The following OPCML variants were observed in gnomAD, a reference collection of about 807,000 sequenced individuals.
OPCML encodes the protein opioid-binding protein/cell adhesion molecule.
OPCML carries 13 observed loss-of-function variants against 37.8 expected under a neutral mutation model. That is an observed-to-expected ratio of 0.34 (90% CI 0.22 to 0.55). The LOEUF (loss-of-function observed/expected upper bound fraction) is 0.55. Among genes scored for constraint, OPCML ranks in the 20% least tolerant of loss-of-function variants. The pLI is 0.91. For missense variants in OPCML, 341 were observed against 435.6 expected, an observed-to-expected ratio of 0.78 and a Z score of 1.93; for synonymous variants, 176 against 168.8, an observed-to-expected ratio of 1.04 and a Z score of -0.33.
rs148236910 is a variant in OPCML, at chr11:133,069,992, A to G, written c.62-126982T>C. On this transcript the variant is annotated intron_variant, in intron 1 of 7. Transcript: ENST00000524381. ...TCCCTGCTAAATTCCACTTCTAACA[A>G]GTAGTGGGGGCTGTCTAGTTGGTGT... Among the ~76,000 whole-genome samples, 445 of 152,274 alleles carry G rather than the reference A, an allele frequency of 2.9e-3. 1 individual carries two copies. The highest frequency in any genetic ancestry group is 6.8e-3 in the Middle Eastern group (2 of 294).
intron 1 of OPCML, among the ~76,000 whole-genome samples, chr11:133,151,578 A>C (rs914935623): frequency 3.9e-5 from 6 of 152,204 alleles, no homozygotes; most frequent in African/African-American, 1.4e-4. Context: ...TTGGATGAGG[A>C]AAGTGCAGTT....
chr11:133,332,592 C>T (rs1943646433), intron 1 of OPCML, among the ~76,000 whole-genome samples: 2 of 152,000 alleles, frequency 1.3e-5, no homozygotes, highest in African/African-American at 4.8e-5. Flanking sequence ...TCATAGATGG[C>T]TCTTATTATT....
intron 1 of OPCML, among the ~76,000 whole-genome samples, chr11:133,500,976 C>T (rs372284233): frequency 1.7e-4 from 25 of 149,460 alleles, no homozygotes; most frequent in African/African-American, 4.5e-4. Context: ...CAGATGGGGG[C>T]GTGGGGCAGG....
At chr11:133,227,245 G>A (rs1940079724) in intron 1 of OPCML, among the ~76,000 whole-genome samples, 1 of 152,108 alleles carries the variant, frequency 6.6e-6, no homozygotes, top group Non-Finnish European at 1.5e-5. Flanking sequence ...CCCTGCACCG[G>A]CTCCTCACGG....
intron 1 of OPCML, among the ~76,000 whole-genome samples, chr11:133,256,834 C>T (rs1941326649): frequency 6.6e-6 from 1 of 152,184 alleles, no homozygotes; most frequent in Middle Eastern, 3.2e-3. Flanking sequence ...TATTATCATG[C>T]ATTGCTTTAA....
chr11:132,808,508 G>C (rs983718960), intron 2 of OPCML, among the ~76,000 whole-genome samples: 2 of 152,214 alleles, frequency 1.3e-5, no homozygotes, highest in African/African-American at 4.8e-5. Context: ...CGCAGTGAAG[G>C]CTGGAGGCTT....
chr11:132,818,525 C>A (rs1267457592), intron 2 of OPCML, among the ~76,000 whole-genome samples: 2 of 151,768 alleles, frequency 1.3e-5, no homozygotes, highest in African/African-American at 2.4e-5. Flanking sequence ...GCCCACCCTG[C>A]AGACTTGGAC....
intron 2 of OPCML, among the ~76,000 whole-genome samples, chr11:132,898,441 A>C (rs1943928973): frequency 1.3e-5 from 2 of 152,204 alleles, no homozygotes; most frequent in African/African-American, 4.8e-5. Flanking sequence ...GAAGTACAGC[A>C]CTGGGCCCAA....
At chr11:133,036,539 A>G (rs1947787231) in intron 1 of OPCML, among the ~76,000 whole-genome samples, 1 of 152,224 alleles carries the variant, frequency 6.6e-6, no homozygotes, top group Non-Finnish European at 1.5e-5. Flanking sequence ...ATCAAACACC[A>G]TGCCAAGCAC....
intron 1 of OPCML, among the ~76,000 whole-genome samples, chr11:133,375,186 G>A (rs112925660): frequency 0.026 from 3,901 of 152,218 alleles, 94 homozygotes; most frequent in African/African-American, 0.07. Context: ...TTCTCATGAC[G>A]TGCTAGATGT....
At chr11:132,642,953 G>GA (rs1358527649) in intron 3 of OPCML, among the ~76,000 whole-genome samples, 3 of 152,100 alleles carry the variant, frequency 2.0e-5, no homozygotes. Flanking sequence ...AGAGCACTTG[G>GA]AAAATGCAAG....
At chr11:133,035,812 T>C (rs951939175) in intron 1 of OPCML, among the ~76,000 whole-genome samples, 4 of 152,160 alleles carry the variant, frequency 2.6e-5, no homozygotes, top group Non-Finnish European at 5.9e-5. Context: ...TAAATGAGTA[T>C]GCCCATTCTA....
intron 1 of OPCML, among the ~76,000 whole-genome samples, chr11:133,076,283 T>G (rs1179530253): frequency 1.3e-5 from 2 of 152,202 alleles, no homozygotes; most frequent in Non-Finnish European, 2.9e-5. Flanking sequence ...CTAAATAGTT[T>G]GTCCCCCTTC....
At chr11:132,533,435 T>C (rs1293393896) in intron 3 of OPCML, among the ~76,000 whole-genome samples, 1 of 152,084 alleles carries the variant, frequency 6.6e-6, no homozygotes, top group African/African-American at 2.4e-5. Flanking sequence ...AAGAGATAGA[T>C]GATAGATAGA....
At chr11:133,005,811 T>C (rs1947099558) in intron 1 of OPCML, 1 of 985,386 alleles carries the variant, frequency 1.0e-6, no homozygotes, top group Non-Finnish European at 1.2e-6. Context: ...GGCATTTCCC[T>C]GGCCCTGGGG....
chr11:133,499,820 AC>A, intron 1 of OPCML, among the ~76,000 whole-genome samples: 1 of 142,516 alleles, frequency 7.0e-6, no homozygotes, highest in South Asian at 2.2e-4. Flanking sequence ...ATATATATAT[AC>A]ACACATATAT....
At chr11:132,762,784 C>T (rs566098978) in intron 2 of OPCML, among the ~76,000 whole-genome samples, 16 of 152,246 alleles carry the variant, frequency 1.1e-4, no homozygotes, top group Admixed American at 3.9e-4. Flanking sequence ...CAAGCCCACT[C>T]GGCTCCCTGG....
chr11:133,232,230 A>C (rs563786330), intron 1 of OPCML, among the ~76,000 whole-genome samples: 56 of 152,196 alleles, frequency 3.7e-4, no homozygotes, highest in African/African-American at 1.3e-3. Context: ...GCAGCTCCGT[A>C]CTTGGTTCTC....
chr11:133,341,864 G>A (rs1200011133), intron 1 of OPCML, among the ~76,000 whole-genome samples: 1 of 152,084 alleles, frequency 6.6e-6, no homozygotes, highest in Admixed American at 6.5e-5. Flanking sequence ...GTTGCAGTGA[G>A]CCGAGATCGC....
Sources: gnomAD v4.1 joint callset for allele counts (sites outside exome capture counted in the v4.1 genomes callset) on GRCh38, gnomAD v4.1.1 for gene constraint, MANE v1.5 for transcripts, NCBI Gene and HGNC (gene_info 2026-07-23, HGNC 2026-07-21) for gene names.